SPECC1: variants seen among roughly 807,000 people sequenced by gnomAD.
The protein encoded by SPECC1 is sperm antigen with calponin homology and coiled-coil domains 1.
In SPECC1, 62 loss-of-function variants were observed where a neutral mutation model predicts 104.1. The observed-to-expected ratio is 0.60, with a 90% CI of 0.49 to 0.74. SPECC1 has a LOEUF of 0.74. SPECC1 is among the 30% of genes least tolerant of loss of function. The pLI is 0.00. For synonymous variants in SPECC1, 513 were observed against 501.6 expected (o/e 1.02, Z -0.30); for missense variants, 1,306 against 1,310.5 (o/e 1.00, Z 0.05).
At chr17:20,147,889 T>C (rs2031617801) in intron 3 of SPECC1, among the ~76,000 whole-genome samples, 2 of 152,054 alleles carry the variant, frequency 1.3e-5, no homozygotes, top group African/African-American at 4.8e-5. Flanking sequence ...TTTAAAAAAG[T>C]TAGCTGGGTG....
At chr17:20,185,636 G>C (rs1054122596) in intron 3 of SPECC1, among the ~76,000 whole-genome samples, 3 of 152,156 alleles carry the variant, frequency 2.0e-5, no homozygotes, top group African/African-American at 4.8e-5. Context: ...AATTTGCTCT[G>C]AAACAGTGGT....
intron 1 of SPECC1, among the ~76,000 whole-genome samples, chr17:20,079,587 G>T (rs529800296): frequency 2.5e-4 from 38 of 152,236 alleles, no homozygotes; most frequent in African/African-American, 9.2e-4. Flanking sequence ...ACTGTGCCTG[G>T]CCTCTCTAGT....
At chr17:20,015,651 C>A (rs1419355427) in intron 1 of SPECC1, among the ~76,000 whole-genome samples, 1 of 135,520 alleles carries the variant, frequency 7.4e-6, no homozygotes, top group Non-Finnish European at 1.5e-5. Context: ...ATGGCACTAT[C>A]TCGGCTCACT....
Position 20,232,412 on chromosome 17 carries a change from C to G in SPECC1, c.2351+7C>G, listed in dbSNP as rs552051319. 1 of 1,600,596 alleles carries G rather than the reference C, an allele frequency of 6.2e-7. No homozygotes were observed. Among genetic ancestry groups the G allele is most frequent in the Non-Finnish European group, 8.5e-7 (1 of 1,173,502 alleles). On this transcript the variant is annotated splice_region_variant and intron_variant, in intron 7 of 14. Transcript: ENST00000395527. ...CCAGCAGAGCCGCCCCTCCGTGAGT[C>G]TGGTGGGCACCAGGGCCGTGCTTGC...
chr17:20,095,043 A>C (rs1179841732), intron 1 of SPECC1, among the ~76,000 whole-genome samples: 1 of 152,224 alleles, frequency 6.6e-6, no homozygotes, highest in Non-Finnish European at 1.5e-5. Flanking sequence ...ATTCATCAGT[A>C]ATTCTCTTCA....
intron 14 of SPECC1, among the ~76,000 whole-genome samples, chr17:20,307,672 A>G (rs72832522): frequency 0.052 from 7,975 of 152,254 alleles, 285 homozygotes; most frequent in Non-Finnish European, 0.079. Context: ...TGTCTGTCTC[A>G]GAGTTTAAGA....
chr17:20,161,180 C>T (rs1253179462), intron 3 of SPECC1, among the ~76,000 whole-genome samples: 2 of 152,166 alleles, frequency 1.3e-5, no homozygotes, highest in Non-Finnish European at 2.9e-5. Context: ...TACTGCATTC[C>T]AACCTGGGTG....
At chr17:20,212,004 G>T (rs1056449456) in intron 4 of SPECC1, among the ~76,000 whole-genome samples, 1 of 152,180 alleles carries the variant, frequency 6.6e-6, no homozygotes, top group Non-Finnish European at 1.5e-5. Context: ...GGGCCTTGTT[G>T]CTTCGAAAGG....
At chr17:20,270,313 ATGAACAGACACG>A (rs2040357973) in intron 12 of SPECC1, among the ~76,000 whole-genome samples, 1 of 151,760 alleles carries the variant, frequency 6.6e-6, no homozygotes, top group African/African-American at 2.4e-5. Flanking sequence ...AAACAGTGTT[ATGAACAGACACG>A]ATAGCTCATG....
At chr17:20,134,436 T>A (rs995687331) in intron 3 of SPECC1, among the ~76,000 whole-genome samples, 1 of 148,674 alleles carries the variant, frequency 6.7e-6, no homozygotes, top group Admixed American at 6.7e-5. Context: ...TGCCCCATAC[T>A]CAGCTCCCAT....
chr17:20,285,387 T>C (rs2040909033), intron 12 of SPECC1, among the ~76,000 whole-genome samples: 1 of 152,180 alleles, frequency 6.6e-6, no homozygotes, highest in Non-Finnish European at 1.5e-5. Context: ...TTTTGCTTCA[T>C]TGAGGTGGAC....
chr17:20,112,823 T>C (rs1433757272), intron 3 of SPECC1: 7 of 1,577,238 alleles, frequency 4.4e-6, no homozygotes, highest in Admixed American at 1.7e-5. Context: ...AAATGCAAAG[T>C]TGAAGAACTG....
chr17:20,231,866 C>T (rs1215754697), intron 6 of SPECC1, 35 bp downstream of exon 6: 1 of 1,598,122 alleles, frequency 6.3e-7, no homozygotes, highest in South Asian at 1.1e-5. Flanking sequence ...CCACCATCTT[C>T]CTATGAATTA....
intron 1 of SPECC1, among the ~76,000 whole-genome samples, chr17:20,055,597 G>A (rs921744573): frequency 6.6e-6 from 1 of 152,192 alleles, no homozygotes; most frequent in Non-Finnish European, 1.5e-5. Context: ...CTAGCAGATA[G>A]GGAATTTCAC....
chr17:20,288,930 G>A (rs964365891), intron 12 of SPECC1, among the ~76,000 whole-genome samples: 29 of 151,854 alleles, frequency 1.9e-4, no homozygotes, highest in Admixed American at 2.6e-4. Context: ...GATTACAGGC[G>A]CCTGCCACCG....
intron 3 of SPECC1, among the ~76,000 whole-genome samples, chr17:20,116,156 T>C (rs923663585): frequency 4.6e-5 from 7 of 152,134 alleles, no homozygotes; most frequent in African/African-American, 4.8e-5. Context: ...GGCGCGATCT[T>C]GGCTCACGGC....
chr17:20,015,298 A>AT (rs772928670), intron 1 of SPECC1, among the ~76,000 whole-genome samples: 10,276 of 141,794 alleles, frequency 0.072, 386 homozygotes, highest in Non-Finnish European at 0.086. Flanking sequence ...TTTTAATTTA[A>AT]TTTTTTTTTT....
chr17:20,151,474 C>T (rs1315129468), intron 3 of SPECC1, among the ~76,000 whole-genome samples: 2 of 152,174 alleles, frequency 1.3e-5, no homozygotes, highest in East Asian at 3.8e-4. Flanking sequence ...TGGGACGTAA[C>T]CCATCATAAG....
rs1482114488 is a variant in SPECC1, at chr17:20,199,431, T to C, written c.284-4902T>C. Among the ~76,000 whole-genome samples, 3 of 143,794 alleles carry C rather than the reference T, an allele frequency of 2.1e-5. 1 individual carries two copies. Among genetic ancestry groups the C allele is most frequent in the African/African-American group, 7.8e-5 (3 of 38,302 alleles). The allele number at this position is 143,794 out of a possible 152,430, so 94.3% of individuals were successfully genotyped here. A position where few individuals can be genotyped will look rare whatever the true frequency, so the allele number is the denominator to read the frequency against. On this transcript the variant is annotated intron_variant, in intron 3 of 14. Transcript: ENST00000395527. Reference sequence around the variant, plus strand: ...TTTTTTTAAATAGAGACAGGGTCTTTCTCTGGTCACCCAGGCTGGAGTACA... The same window carrying C: ...TTTTTTTAAATAGAGACAGGGTCTTCCTCTGGTCACCCAGGCTGGAGTACA...
Sources: allele counts gnomAD v4.1 joint callset (sites outside exome capture counted in the v4.1 genomes callset), GRCh38; gene constraint gnomAD v4.1.1; transcripts MANE v1.5; gene names NCBI Gene and HGNC (gene_info 2026-07-23, HGNC 2026-07-21).